CNTN5: variants seen among roughly 807,000 people sequenced by gnomAD.
The protein encoded by CNTN5 is contactin-5.
In CNTN5, 77 loss-of-function variants were observed where a neutral mutation model predicts 129.1. The observed-to-expected ratio is 0.60, with a 90% confidence interval of 0.50 to 0.72. The LOEUF (loss-of-function observed/expected upper bound fraction) is 0.72. Ranked by LOEUF, CNTN5 falls within the 30% of genes least tolerant of loss-of-function variation. The pLI, the probability that CNTN5 is intolerant of heterozygous loss-of-function variation, is 0.00. For missense variants in CNTN5, 1,478 were observed against 1,328.8 expected (o/e 1.11, Z -1.75); for synonymous variants, 509 against 465.6 (o/e 1.09, Z -1.20).
chr11:100,062,189 A>G (rs1943512423), intron 10 of CNTN5, among the ~76,000 whole-genome samples: 1 of 152,218 alleles, frequency 6.6e-6, no homozygotes, highest in South Asian at 2.1e-4. Flanking sequence ...GAGAAGCAAT[A>G]GGCTAGAGCA....
At chr11:100,117,838 G>A (rs1365658249) in intron 13 of CNTN5, among the ~76,000 whole-genome samples, 1 of 151,494 alleles carries the variant, frequency 6.6e-6, no homozygotes, top group East Asian at 1.9e-4. Flanking sequence ...ATAAGTGAAT[G>A]AATAAGTCAA....
intron 2 of CNTN5, among the ~76,000 whole-genome samples, chr11:99,514,689 G>A (rs186125348): frequency 1.3e-5 from 2 of 152,102 alleles, no homozygotes; most frequent in East Asian, 3.9e-4. Flanking sequence ...TATATACGTT[G>A]TTTTTTACCT....
At chr11:99,661,723 C>G (rs662323) in intron 3 of CNTN5, among the ~76,000 whole-genome samples, 59,036 of 151,712 alleles carry the variant, frequency 0.39, 12,103 homozygotes, top group Admixed American at 0.51. Context: ...TTTAAAAAAT[C>G]TAATATAAAT....
intron 13 of CNTN5, among the ~76,000 whole-genome samples, chr11:100,110,843 T>C (rs1945633988): frequency 6.6e-6 from 1 of 152,148 alleles, no homozygotes; most frequent in African/African-American, 2.4e-5. Flanking sequence ...CTGGGATGGT[T>C]TATTTGAAAA....
intron 20 of CNTN5, among the ~76,000 whole-genome samples, chr11:100,300,822 T>C (rs1187809379): frequency 1.3e-5 from 2 of 151,638 alleles, no homozygotes; most frequent in Non-Finnish European, 3.0e-5. Context: ...AGATTTCTGA[T>C]GTGTTTTCAG....
At chr11:99,450,480 T>A (rs1944257085) in intron 2 of CNTN5, among the ~76,000 whole-genome samples, 1 of 152,158 alleles carries the variant, frequency 6.6e-6, no homozygotes, top group South Asian at 2.1e-4. Flanking sequence ...TATAGTTACA[T>A]GTAAAAGATG....
At chr11:100,224,908 G>T in intron 16 of CNTN5, 96 bp downstream of exon 16, 1 of 1,156,224 alleles carries the variant, frequency 8.6e-7, no homozygotes, top group South Asian at 2.4e-5. Context: ...TCAGTACTGT[G>T]CATTTTACTT....
At chr11:99,512,595 A>G (rs74415277) in intron 2 of CNTN5, among the ~76,000 whole-genome samples, 3,116 of 152,208 alleles carry the variant, frequency 0.02, 143 homozygotes, top group East Asian at 0.13. Context: ...TTTCAACATC[A>G]TGTGCTCACT....
chr11:99,569,500 G>A (rs1949111283), intron 3 of CNTN5, among the ~76,000 whole-genome samples: 1 of 151,992 alleles, frequency 6.6e-6, no homozygotes, highest in Admixed American at 6.6e-5. Flanking sequence ...ATTTAGTAGA[G>A]ACAGGGTTTC....
In CNTN5 at chr11:99,557,066, T is replaced by C. The variant is rs183879094; in HGVS notation, c.55+797T>C. ...TATATTGTGGGCTAAATTTAGGTAGTATGTATGGTAAGAGAGTCTGAAATA... is the reference window on the plus strand; with the variant it reads ...TATATTGTGGGCTAAATTTAGGTAGCATGTATGGTAAGAGAGTCTGAAATA... On this transcript the variant is annotated intron_variant, in intron 3 of 24. Transcript: ENST00000524871. Among the ~76,000 whole-genome samples the C allele has an allele frequency of 1.3e-3, 200 of 151,416 alleles. 1 individual carries two copies. The highest frequency in any genetic ancestry group is 1.5e-3 in the Non-Finnish European group (104 of 67,486).
At chr11:99,641,152 T>C (rs375579032) in intron 3 of CNTN5, among the ~76,000 whole-genome samples, 14 of 152,292 alleles carry the variant, frequency 9.2e-5, no homozygotes, top group African/African-American at 3.4e-4. Flanking sequence ...ATAATCTTTT[T>C]CCAACAAATT....
chr11:99,467,140 G>A lies in CNTN5; in HGVS notation c.-70-89005G>A, dbSNP rs564295877. On this transcript the variant is annotated intron_variant, in intron 2 of 24. Transcript: ENST00000524871. ...AAGATAATTTCATTTTCTCTGAAGA[G>A]ACACAGTGTTTTTTTATGTTTAAAA... 9.4e-4 allele frequency among the ~76,000 whole-genome samples: 143 copies of A among 152,140 alleles called. 1 individual carries two copies. Among genetic ancestry groups the A allele is most frequent in the Non-Finnish European group, 1.7e-3 (116 of 67,994 alleles).
At chr11:100,327,772 A>C (rs1172027022) in intron 21 of CNTN5, among the ~76,000 whole-genome samples, 1 of 152,206 alleles carries the variant, frequency 6.6e-6, no homozygotes, top group Admixed American at 6.5e-5. Flanking sequence ...TTTAGAACTC[A>C]AGACCTGGTA....
chr11:99,953,776 A>C (rs1950731345), intron 7 of CNTN5, among the ~76,000 whole-genome samples: 1 of 152,182 alleles, frequency 6.6e-6, no homozygotes, highest in South Asian at 2.1e-4. Flanking sequence ...ATGAGAAACC[A>C]AAAGCCTATG....
chr11:99,222,858 G>A (rs575683694), intron 1 of CNTN5, among the ~76,000 whole-genome samples: 1 of 152,082 alleles, frequency 6.6e-6, no homozygotes, highest in Non-Finnish European at 1.5e-5. Flanking sequence ...ATTGATTTAA[G>A]TGTTCTTTAA....
At chr11:100,251,315 G>T (rs554022120) in intron 16 of CNTN5, among the ~76,000 whole-genome samples, 13 of 152,172 alleles carry the variant, frequency 8.5e-5, no homozygotes, top group Admixed American at 6.5e-4. Flanking sequence ...AATAATAATT[G>T]TATGTATCCC....
intron 2 of CNTN5, among the ~76,000 whole-genome samples, chr11:99,529,495 G>A (rs1025939024): frequency 2.0e-5 from 3 of 152,274 alleles, no homozygotes; most frequent in South Asian, 4.1e-4. Context: ...TCTTTTAAAT[G>A]TTAGGGATTT....
intron 1 of CNTN5, among the ~76,000 whole-genome samples, chr11:99,180,975 C>A (rs1858026494): frequency 6.6e-6 from 1 of 152,196 alleles, no homozygotes; most frequent in South Asian, 2.1e-4. Flanking sequence ...TGAGCAAATT[C>A]ATCTTATAAC....
intron 1 of CNTN5, among the ~76,000 whole-genome samples, chr11:99,215,181 A>G (rs80151045): frequency 0.017 from 2,541 of 152,248 alleles, 39 homozygotes; most frequent in African/African-American, 0.035. Flanking sequence ...TTCTCAGTGT[A>G]AAACATCTCA....
Sources: gnomAD v4.1 joint callset for allele counts (sites outside exome capture counted in the v4.1 genomes callset) on GRCh38, gnomAD v4.1.1 for gene constraint, MANE v1.5 for transcripts, NCBI Gene and HGNC (gene_info 2026-07-23, HGNC 2026-07-21) for gene names.